EFR3A: variants seen among roughly 807,000 people sequenced by gnomAD.
The protein encoded by EFR3A is protein EFR3 homolog A.
Under a neutral mutation model 104.4 loss-of-function variants are expected in EFR3A, and 76 were observed. The observed-to-expected ratio is 0.73, with a 90% CI of 0.60 to 0.88. The LOEUF is 0.88. EFR3A is among the 40% of genes least tolerant of loss of function. EFR3A has a pLI of 0.00. For missense variants in EFR3A, 985 were observed against 1,012.5 expected (o/e 0.97, Z 0.37); for synonymous variants, 330 against 330.0 (o/e 1.00, Z 0.00).
intron 5 of EFR3A, among the ~76,000 whole-genome samples, chr8:131,951,551 G>A (rs1818704660): frequency 1.3e-5 from 2 of 151,972 alleles, no homozygotes; most frequent in South Asian, 2.1e-4. Context: ...AGATTTTAAC[G>A]TTTTTGCTTT....
chr8:132,001,912 A>G, intron 20 of EFR3A, 105 bp downstream of exon 20: 1 of 977,292 alleles, frequency 1.0e-6, no homozygotes, highest in Non-Finnish European at 1.6e-6. Flanking sequence ...AAAATAAACC[A>G]AAGAAACTTG....
chr8:131,912,117 G>T (rs902517057), intron 1 of EFR3A, among the ~76,000 whole-genome samples: 2 of 152,256 alleles, frequency 1.3e-5, no homozygotes. Context: ...AAAAACTTTT[G>T]TTTTTGAGGC....
At chr8:131,938,075 A>G (rs1817994864) in intron 1 of EFR3A, 3 of 387,774 alleles carry the variant, frequency 7.7e-6, no homozygotes, top group Admixed American at 4.4e-5. Flanking sequence ...TGATAGCTTT[A>G]TATTTGATGT....
rs148847170 is a variant in EFR3A at position 131,984,260 on chromosome 8, A to T, written c.1697A>T (p.Glu566Val). ...ALITIELANE[E>V]VVIDLIRLAI... ...ATAACTATTGAACTGGCTAATGAAG[A>T]AGTAGTTATTGATCTCATTCGACTG... Residue 566 changes from glutamate to valine, a missense_variant, in exon 15 of 23, where the codon GAA becomes GTA. Transcript: ENST00000254624. 4.4e-6 allele frequency: 7 copies of T among 1,607,580 alleles called. No homozygotes were observed. The Admixed American group carries it at 8.5e-5, about 19-fold the overall frequency.
chr8:131,908,863 AAT>A (rs1278350711), intron 1 of EFR3A, among the ~76,000 whole-genome samples: 1 of 152,214 alleles, frequency 6.6e-6, no homozygotes, highest in Non-Finnish European at 1.5e-5. Context: ...ATTGATACAT[AAT>A]ATTTTCACAT....
chr8:131,972,259 T>TA (rs1820100338), intron 10 of EFR3A, among the ~76,000 whole-genome samples: 1 of 150,388 alleles, frequency 6.6e-6, no homozygotes, highest in African/African-American at 2.4e-5. Context: ...CCTGAACCTT[T>TA]TTTTTTTTTT....
chr8:131,953,517 A>C (rs1178471850), intron 5 of EFR3A, among the ~76,000 whole-genome samples: 1 of 152,258 alleles, frequency 6.6e-6, no homozygotes, highest in East Asian at 1.9e-4. Context: ...TATCATTTTA[A>C]GAAAACCTAT....
chr8:132,001,870 T>G (rs2130804232), intron 20 of EFR3A, 63 bp downstream of exon 20: 1 of 1,391,750 alleles, frequency 7.2e-7, no homozygotes, highest in Non-Finnish European at 1.0e-6. Flanking sequence ...GCTGCTTTTT[T>G]CGATGACAGA....
intron 8 of EFR3A, 134 bp downstream of exon 8, chr8:131,959,797 C>G: frequency 1.9e-6 from 1 of 527,880 alleles, no homozygotes; most frequent in Non-Finnish European, 3.3e-6. Context: ...TTGTCTCATT[C>G]ATTTTCATTT....
intron 20 of EFR3A, 56 bp downstream of exon 20, chr8:132,001,863 G>A: frequency 6.9e-7 from 1 of 1,457,434 alleles, no homozygotes; most frequent in Non-Finnish European, 9.6e-7. Flanking sequence ...TTTATCTGCT[G>A]CTTTTTTCGA....
Position 131,968,356 on chromosome 8 carries a change from A to T in EFR3A, c.917A>T (p.Asp306Val), listed in dbSNP as rs1051919613. 6.2e-7 allele frequency: 1 copy of T among 1,613,572 alleles called. No individual in the cohort carries two copies. The highest frequency in any genetic ancestry group is 8.5e-7 in the Non-Finnish European group (1 of 1,179,636). ...ILGHLDARKK[D>V]APRVRAGIIQ... ...GGACACCTTGATGCTCGTAAAAAAG[A>T]TGCTCCCCGGGTTCGAGCAGGTATT... Residue 306 changes from aspartate (D) to valine (V), a missense_variant, in exon 9 of 23, where the codon GAT becomes GTT. Transcript: ENST00000254624.
At chr8:131,919,602 A>G (rs1322304792) in intron 1 of EFR3A, among the ~76,000 whole-genome samples, 4 of 151,650 alleles carry the variant, frequency 2.6e-5, no homozygotes, top group African/African-American at 9.7e-5. Context: ...TCTCAAAAAA[A>G]AAAAAAAAAA....
chr8:131,984,703 G>T (rs1440629326), intron 15 of EFR3A, among the ~76,000 whole-genome samples: 1 of 152,112 alleles, frequency 6.6e-6, no homozygotes, highest in African/African-American at 2.4e-5. Flanking sequence ...ATATATATAT[G>T]AGAACAGGAA....
At chr8:131,959,958 T>C (rs1819219851) in intron 8 of EFR3A, among the ~76,000 whole-genome samples, 1 of 152,200 alleles carries the variant, frequency 6.6e-6, no homozygotes, top group South Asian at 2.1e-4. Context: ...GGGTGTTGTC[T>C]TTTAGGGGTT....
At chr8:131,975,349 A>T (rs1213635631) in intron 10 of EFR3A, among the ~76,000 whole-genome samples, 3 of 150,778 alleles carry the variant, frequency 2.0e-5, no homozygotes, top group Non-Finnish European at 1.5e-5. Flanking sequence ...TAGGCTTACG[A>T]TGTGTGAACT....
chr8:131,952,443 G>A (rs1563657250), intron 5 of EFR3A, among the ~76,000 whole-genome samples: 1 of 152,112 alleles, frequency 6.6e-6, no homozygotes, highest in Non-Finnish European at 1.5e-5. Flanking sequence ...CACCAACACT[G>A]CCCTTTAACC....
chr8:131,948,883 A>C (rs1563653620), intron 4 of EFR3A, among the ~76,000 whole-genome samples: 2 of 152,066 alleles, frequency 1.3e-5, no homozygotes, highest in African/African-American at 4.8e-5. Context: ...AAATTTATTA[A>C]TGGTGTTCGT....
At chr8:131,970,843 A>G (rs559487460) in intron 10 of EFR3A, among the ~76,000 whole-genome samples, 200 bp downstream of exon 10, 1 of 152,306 alleles carries the variant, frequency 6.6e-6, no homozygotes, top group African/African-American at 2.4e-5. Flanking sequence ...CAGGACACAA[A>G]TTCATCTATT....
At chr8:131,990,558 G>A (rs535284762) in intron 18 of EFR3A, among the ~76,000 whole-genome samples, 1 of 152,306 alleles carries the variant, frequency 6.6e-6, no homozygotes, top group South Asian at 2.1e-4. Context: ...AAAGCAAGGT[G>A]AACTAGTTTG....
Sources: allele counts gnomAD v4.1 joint callset (sites outside exome capture counted in the v4.1 genomes callset), GRCh38; gene constraint gnomAD v4.1.1; transcripts MANE v1.5; gene names NCBI Gene and HGNC (gene_info 2026-07-23, HGNC 2026-07-21).